CORO2B: variants seen among roughly 807,000 people sequenced by gnomAD.
CORO2B encodes coronin 2B.
Under a neutral mutation model 58.8 loss-of-function variants are expected in CORO2B, and 26 were observed. The ratio of observed to expected loss-of-function variants is 0.44; its 90% CI spans 0.32 to 0.61. The LOEUF (loss-of-function observed/expected upper bound fraction) is 0.61, where lower values mean the gene tolerates loss of function less well. Among genes scored for constraint, CORO2B ranks in the 20% least tolerant of loss-of-function variants. The pLI, the probability that CORO2B is intolerant of heterozygous loss-of-function variation, is 0.04. For missense variants in CORO2B, 460 were observed against 645.1 expected, an observed-to-expected ratio of 0.71 and a Z score of 3.11; for synonymous variants, 242 against 253.8, an observed-to-expected ratio of 0.95 and a Z score of 0.44.
the CORO2B span, among the ~76,000 whole-genome samples, chr15:68,552,282 C>T: frequency 6.6e-6 from 1 of 152,312 alleles, no homozygotes; most frequent in South Asian, 2.1e-4. Flanking sequence ...CAGCCTGGGA[C>T]ACCTTGGCCC....
intron 2 of CORO2B, among the ~76,000 whole-genome samples, chr15:68,664,423 G>A (rs919879349): frequency 7.2e-5 from 11 of 152,114 alleles, no homozygotes; most frequent in African/African-American, 9.7e-5. Flanking sequence ...CAAGACAGGC[G>A]GATCACGAGG....
chr15:68,558,109 A>C, the CORO2B span, among the ~76,000 whole-genome samples: 1 of 152,176 alleles, frequency 6.6e-6, no homozygotes, highest in Non-Finnish European at 1.5e-5. Flanking sequence ...GAGAGGCTTC[A>C]GTAGGGCTGA....
At chr15:68,718,261 TTCTC>T (rs1271833321) in intron 8 of CORO2B, among the ~76,000 whole-genome samples, 1 of 152,192 alleles carries the variant, frequency 6.6e-6, no homozygotes, top group Non-Finnish European at 1.5e-5. Flanking sequence ...TCTCCCTCCT[TTCTC>T]TCTCAGGACT....
At chr15:68,636,657 T>C (rs1427371389) in intron 1 of CORO2B, among the ~76,000 whole-genome samples, 1 of 152,206 alleles carries the variant, frequency 6.6e-6, no homozygotes, top group African/African-American at 2.4e-5. Flanking sequence ...TCCATGTTTG[T>C]CAGAGATGCA....
At chr15:68,569,535 C>T in the CORO2B span, among the ~76,000 whole-genome samples, 2 of 152,192 alleles carry the variant, frequency 1.3e-5, no homozygotes, top group African/African-American at 4.8e-5. Flanking sequence ...TATCTGTTCA[C>T]CTACTGAAGG....
chr15:68,576,578 G>A (rs75174817), upstream of CORO2B, among the ~76,000 whole-genome samples: 1 of 152,272 alleles, frequency 6.6e-6, no homozygotes, highest in East Asian at 1.9e-4. Flanking sequence ...CACAGCCATG[G>A]GTGCAGGGTG....
At chr15:68,549,397 G>T in the CORO2B span, among the ~76,000 whole-genome samples, 1 of 151,908 alleles carries the variant, frequency 6.6e-6, no homozygotes. Flanking sequence ...TGGTTGGTTG[G>T]TTTTTGTCTT....
rs577672011 is a variant in CORO2B, at chr15:68,603,069, T to C, written c.15+23792T>C. ...AAGGATGGGTCTGTCAACGGTCTGT[T>C]AGGATAGGAGGTGAGAGACATTGGT... On this transcript the variant is annotated intron_variant, in intron 1 of 11. Coordinates refer to ENST00000261861, the MANE Select transcript of CORO2B (RefSeq NM_006091.5). Among the ~76,000 whole-genome samples, 14 of 152,108 alleles carry C rather than the reference T, an allele frequency of 9.2e-5. No homozygotes were observed. The South Asian group carries it at 2.7e-3, about 29-fold the overall frequency.
chr15:68,715,066 C>A, intron 7 of CORO2B, 149 bp from the exon 8 acceptor site: 1 of 735,544 alleles, frequency 1.4e-6, no homozygotes, highest in Non-Finnish European at 2.4e-6. Flanking sequence ...GTGGTGCACC[C>A]ACTAGGAGCC....
At chr15:68,701,502 T>TTTTG (rs1567013962) in intron 3 of CORO2B, among the ~76,000 whole-genome samples, 1 of 110,460 alleles carries the variant, frequency 9.1e-6, no homozygotes, top group South Asian at 3.0e-4. Flanking sequence ...TTTTTTTTTT[T>TTTTG]TGAGACGGAG....
At chr15:68,560,795 T>A in the CORO2B span, among the ~76,000 whole-genome samples, 1 of 152,196 alleles carries the variant, frequency 6.6e-6, no homozygotes, top group Non-Finnish European at 1.5e-5. Context: ...GTGCTAGGCA[T>A]AAGCCAGTGA....
At chr15:68,724,831 C>T (rs1893253564) in intron 11 of CORO2B, among the ~76,000 whole-genome samples, 2 of 152,122 alleles carry the variant, frequency 1.3e-5, no homozygotes, top group Non-Finnish European at 1.5e-5. Context: ...GAGCCTGCTG[C>T]CTTCCAGGGC....
intron 2 of CORO2B, among the ~76,000 whole-genome samples, chr15:68,670,028 G>A (rs1011258366): frequency 6.7e-6 from 1 of 150,046 alleles, no homozygotes; most frequent in Non-Finnish European, 1.5e-5. Flanking sequence ...CTGCACTCTA[G>A]CCTGGGTGAC....
At chr15:68,571,237 A>G in the CORO2B span, among the ~76,000 whole-genome samples, 1 of 152,236 alleles carries the variant, frequency 6.6e-6, no homozygotes, top group African/African-American at 2.4e-5. Context: ...CTCAGTACTC[A>G]ATATTCAGTA....
chr15:68,542,558 A>C, the CORO2B span, among the ~76,000 whole-genome samples: 4 of 152,222 alleles, frequency 2.6e-5, no homozygotes, highest in Non-Finnish European at 5.9e-5. Context: ...AACAACAACC[A>C]CCCTTAAAAT....
the CORO2B span, among the ~76,000 whole-genome samples, chr15:68,539,661 T>A: frequency 5.9e-5 from 9 of 152,266 alleles, no homozygotes; most frequent in South Asian, 6.2e-4. Flanking sequence ...CAAGACCATG[T>A]CTCAAATAAA....
At chr15:68,563,656 A>T in the CORO2B span, among the ~76,000 whole-genome samples, 4 of 152,160 alleles carry the variant, frequency 2.6e-5, no homozygotes, top group Non-Finnish European at 4.4e-5. Context: ...CTGATTAAGA[A>T]AAAGGAGATA....
At chr15:68,651,551 A>AT (rs1213180328) in intron 2 of CORO2B, among the ~76,000 whole-genome samples, 1 of 152,264 alleles carries the variant, frequency 6.6e-6, no homozygotes, top group African/African-American at 2.4e-5. Flanking sequence ...ACTGCAAATC[A>AT]TCACTTGGAG....
At chr15:68,581,845 C>T (rs1297819080) in intron 1 of CORO2B, among the ~76,000 whole-genome samples, 1 of 152,162 alleles carries the variant, frequency 6.6e-6, no homozygotes, top group Non-Finnish European at 1.5e-5. Context: ...AGGGCTCTAG[C>T]CTTCTCTGCT....
Sources: gnomAD v4.1 joint callset for allele counts (sites outside exome capture counted in the v4.1 genomes callset) on GRCh38, gnomAD v4.1.1 for gene constraint, MANE v1.5 for transcripts, NCBI Gene and HGNC (gene_info 2026-07-23, HGNC 2026-07-21) for gene names.